Variants in CDH18 observed in about 807,000 individuals in gnomAD.
The protein encoded by CDH18 is cadherin-18.
CDH18 carries 31 observed loss-of-function variants against 67.9 expected under a neutral mutation model. The ratio of observed to expected loss-of-function variants is 0.46; its 90% confidence interval spans 0.34 to 0.62. The LOEUF is 0.62. CDH18 is among the 20% of genes least tolerant of loss of function. The pLI is 0.01. For missense variants in CDH18, 890 were observed against 975.5 expected (o/e 0.91, Z 1.17); for synonymous variants, 362 against 347.2 (o/e 1.04, Z -0.48).
intron 1 of CDH18, among the ~76,000 whole-genome samples, chr5:20,567,975 C>T (rs539690273): frequency 2.6e-5 from 4 of 152,268 alleles, no homozygotes; most frequent in Non-Finnish European, 5.9e-5. Flanking sequence ...ATCACATTTT[C>T]GAGAACTGTG....
intron 1 of CDH18, among the ~76,000 whole-genome samples, chr5:20,492,966 A>G (rs529588212): frequency 1.3e-5 from 2 of 152,326 alleles, no homozygotes; most frequent in African/African-American, 4.8e-5. Flanking sequence ...AGAAAACTTG[A>G]AACAGACTCT....
At chr5:20,157,365 T>C (rs986701864) in intron 2 of CDH18, among the ~76,000 whole-genome samples, 2 of 152,186 alleles carry the variant, frequency 1.3e-5, no homozygotes, top group Non-Finnish European at 2.9e-5. Context: ...TGCAATGGAA[T>C]GCGAGTGGAC....
At chr5:19,916,681 T>A (rs1430402179) in intron 2 of CDH18, among the ~76,000 whole-genome samples, 1 of 152,088 alleles carries the variant, frequency 6.6e-6, no homozygotes, top group Non-Finnish European at 1.5e-5. Context: ...CACAATAGAG[T>A]TCTATTTTTT....
chr5:20,542,890 C>A (rs1757132630), intron 1 of CDH18, among the ~76,000 whole-genome samples: 1 of 151,842 alleles, frequency 6.6e-6, no homozygotes. Flanking sequence ...GTAAGACAAT[C>A]TACAGTTTTT....
intron 1 of CDH18, among the ~76,000 whole-genome samples, chr5:20,333,519 C>A (rs201015662): frequency 5.8e-4 from 57 of 99,016 alleles, no homozygotes; most frequent in Non-Finnish European, 9.2e-4. Context: ...AAAAAAAAAA[C>A]AATATATATA....
Position 19,722,540 on chromosome 5 carries a change from A to G in CDH18, c.524-1074T>C, listed in dbSNP as rs374465334. Among the ~76,000 whole-genome samples the G allele has an allele frequency of 1.3e-4, 19 of 150,668 alleles. No homozygotes were observed. In the South Asian group the frequency reaches 4.0e-3, roughly 32 times the overall value. On this transcript the variant is annotated intron_variant, in intron 4 of 12. Transcript: ENST00000382275. ...CTTTGTGCTTACTTTTTAAAACACG[A>G]TTTGCATAATTAGATACACCTATAT...
intron 1 of CDH18, among the ~76,000 whole-genome samples, chr5:20,477,236 C>A (rs1449332657): frequency 1.3e-5 from 2 of 151,988 alleles, no homozygotes; most frequent in Non-Finnish European, 2.9e-5. Flanking sequence ...GGAGAGAGAG[C>A]AAGATGGCCA....
In CDH18 at chr5:20,573,857, AAAAG is replaced by A. The variant is rs1561144455; in HGVS notation, c.-580+1601_-580+1604del. Reference sequence around the variant, plus strand: ...TATATATATATATGTATTTATATATAAAAGAAATATATATATGTATTTATATATA... The same window carrying A: ...TATATATATATATGTATTTATATATAAAATATATATATGTATTTATATATA... On this transcript the variant is annotated intron_variant, in intron 1 of 14. Coordinates refer to the CDH18 transcript ENST00000507958. Among the ~76,000 whole-genome samples, 129 of 22,638 alleles carry A rather than the reference AAAAG, an allele frequency of 5.7e-3. 2 individuals are homozygous for A. Among genetic ancestry groups the A allele is most frequent in the African/African-American group, 0.047 (117 of 2,494 alleles). The allele number at this position is 22,638 out of a possible 152,430, so 14.9% of individuals were successfully genotyped here.
intron 2 of CDH18, among the ~76,000 whole-genome samples, chr5:20,204,069 G>GGAAA (rs1481476655): frequency 6.6e-6 from 1 of 151,888 alleles, no homozygotes. Context: ...CAATAGTGAG[G>GGAAA]GAAAGAAAGA....
intron 1 of CDH18, among the ~76,000 whole-genome samples, chr5:20,414,331 T>C (rs1036062495): frequency 1.3e-5 from 2 of 152,136 alleles, no homozygotes; most frequent in African/African-American, 4.8e-5. Context: ...ATGAATGCAG[T>C]TGGGGGTCCT....
chr5:19,766,462 C>T (rs1462577075), intron 3 of CDH18, among the ~76,000 whole-genome samples: 1 of 152,128 alleles, frequency 6.6e-6, no homozygotes, highest in African/African-American at 2.4e-5. Context: ...TACTTTCTTA[C>T]TTAGATTGTC....
At chr5:19,588,111 G>C (rs1182904127) in intron 7 of CDH18, among the ~76,000 whole-genome samples, 1 of 152,030 alleles carries the variant, frequency 6.6e-6, no homozygotes, top group Non-Finnish European at 1.5e-5. Context: ...GTATAGGAAT[G>C]CTGGTGATTT....
chr5:19,618,621 C>G (rs1376886058), intron 5 of CDH18, among the ~76,000 whole-genome samples: 2 of 152,306 alleles, frequency 1.3e-5, no homozygotes, highest in South Asian at 4.1e-4. Flanking sequence ...ATGTGGACCA[C>G]TTAATAACTA....
At chr5:20,005,259 G>A (rs758468236) in intron 2 of CDH18, among the ~76,000 whole-genome samples, 17 of 152,024 alleles carry the variant, frequency 1.1e-4, no homozygotes, top group East Asian at 1.9e-4. Flanking sequence ...AGAAGACAGC[G>A]CAGAGCCTAA....
At chr5:19,893,135 TG>T (rs531817899) in intron 2 of CDH18, among the ~76,000 whole-genome samples, 386 of 152,234 alleles carry the variant, frequency 2.5e-3, no homozygotes, top group African/African-American at 8.4e-3. Context: ...TCTGCCCCTC[TG>T]CCTCTGAGGA....
At chr5:19,868,009 T>A (rs1340802533) in intron 2 of CDH18, among the ~76,000 whole-genome samples, 1 of 152,152 alleles carries the variant, frequency 6.6e-6, no homozygotes, top group Non-Finnish European at 1.5e-5. Context: ...CTTCCTGCCA[T>A]CACATGAAGA....
intron 2 of CDH18, among the ~76,000 whole-genome samples, chr5:19,900,671 A>G (rs1219838428): frequency 6.6e-6 from 1 of 152,206 alleles, no homozygotes; most frequent in Non-Finnish European, 1.5e-5. Context: ...ACTTACATAC[A>G]CATAATTTTT....
intron 8 of CDH18, among the ~76,000 whole-genome samples, chr5:19,568,787 T>G (rs1166990512): frequency 1.3e-5 from 2 of 152,126 alleles, no homozygotes; most frequent in Non-Finnish European, 2.9e-5. Flanking sequence ...GAAATAAATG[T>G]TTTTTGTTTA....
At chr5:19,558,825 A>C (rs557988727) in intron 8 of CDH18, among the ~76,000 whole-genome samples, 11 of 151,878 alleles carry the variant, frequency 7.2e-5, no homozygotes, top group Admixed American at 2.0e-4. Flanking sequence ...TAATACTAAA[A>C]CCAAAAGGGG....
Sources: allele counts gnomAD v4.1 joint callset (sites outside exome capture counted in the v4.1 genomes callset), GRCh38; gene constraint gnomAD v4.1.1; transcripts MANE v1.5; gene names NCBI Gene and HGNC (gene_info 2026-07-23, HGNC 2026-07-21).